The following FZD9 variants were observed in gnomAD, a reference collection of about 807,000 sequenced individuals.
FZD9 encodes frizzled-9.
In FZD9, 29 loss-of-function variants were observed where a neutral mutation model predicts 29.9. The observed-to-expected ratio is 0.97, with a 90% CI of 0.72 to 1.32. FZD9 has a LOEUF of 1.32. Among genes scored for constraint, FZD9 ranks in the 40% most tolerant of loss-of-function variants. The pLI is 0.00. For synonymous variants in FZD9, 384 were observed against 393.9 expected (o/e 0.97, Z 0.30); for missense variants, 822 against 857.8 (o/e 0.96, Z 0.52).
chr7:73,435,820 CCTT>C lies in FZD9; in HGVS notation c.*38_*40del. On this transcript the variant is annotated 3_prime_UTR_variant, in exon 1 of 1. Coordinates refer to ENST00000344575, the MANE Select transcript of FZD9 (RefSeq NM_003508.3). ...TGGCGCGGGGTGGCTGCTGCCCCCT[CCTT>C]GCCCTCCACGCCCTGCCCCCTGCAT... The C allele has an allele frequency of 6.5e-7, 1 of 1,537,284 alleles. No individual in the cohort carries two copies. The highest frequency in any genetic ancestry group is 8.8e-7 in the Non-Finnish European group (1 of 1,140,542).
At position 73,433,778 on chromosome 7, in the gene FZD9, G is replaced by C. The variant is rs1027120039; in HGVS notation, c.-230G>C. On this transcript the variant is annotated 5_prime_UTR_variant, in exon 1 of 1. Transcript: ENST00000344575. Reference sequence around the variant, plus strand: ...AGCCTCGGCCCCGGGAGGTTGCGCCGGCTCTGGCTCAGCGGCGGCTCCGGT... The same window carrying C: ...AGCCTCGGCCCCGGGAGGTTGCGCCCGCTCTGGCTCAGCGGCGGCTCCGGT... 2.2e-5 allele frequency: 4 copies of C among 184,100 alleles called. No individual in the cohort carries two copies. Among genetic ancestry groups the C allele is most frequent in the East Asian group, 3.6e-4 (2 of 5,578 alleles). 11.4% of individuals were successfully genotyped at this position (184,100 alleles called of 1,614,324 possible). A position where few individuals can be genotyped will look rare whatever the true frequency, so the allele number is the denominator to read the frequency against.
At position 73,435,966 on chromosome 7, in the gene FZD9, C is replaced by A; in HGVS notation, c.*183C>A. On this transcript the variant is annotated 3_prime_UTR_variant, in exon 1 of 1. Transcript: ENST00000344575. ...TCATTAGGGGAGATGGGGGTCTCCCCTAATGCGGGGGCTGGACCAGGCTGA... is the reference window on the plus strand; with the variant it reads ...TCATTAGGGGAGATGGGGGTCTCCCATAATGCGGGGGCTGGACCAGGCTGA... 1.3e-6 allele frequency: 1 copy of A among 741,486 alleles called. No homozygotes were observed. Among genetic ancestry groups the A allele is most frequent in the East Asian group, 2.8e-5 (1 of 36,192 alleles). The allele number at this position is 741,486 out of a possible 1,614,324, so 45.9% of individuals were successfully genotyped here.
chr7:73,436,086 T>A lies in FZD9; in HGVS notation c.*303T>A, dbSNP rs1252327198. On this transcript the variant is annotated 3_prime_UTR_variant, in exon 1 of 1. Transcript: ENST00000344575. ...GATGTAATTTATTGTTGCGTTCCTC[T>A]GGAAGCTGTGACTGGAATAAACCCC... 2 of 305,666 alleles carry A rather than the reference T, an allele frequency of 6.5e-6. No homozygotes were observed. Among genetic ancestry groups the A allele is most frequent in the African/African-American group, 4.4e-5 (2 of 45,740 alleles). The allele number at this position is 305,666 out of a possible 1,614,324, so 18.9% of individuals were successfully genotyped here.
chr7:73,434,878 A>G lies in FZD9; in HGVS notation c.871A>G (p.Ser291Gly). 1 of 1,613,560 alleles carries G rather than the reference A, an allele frequency of 6.2e-7. No homozygotes were observed. Among genetic ancestry groups the G allele is most frequent in the South Asian group, 1.1e-5 (1 of 91,080 alleles). The change falls in exon 1 of 1, where the codon AGC becomes GGC. Residue 291 changes from serine to glycine, a missense_variant. Ser to Gly is a moderately conservative substitution (Grantham distance 56, BLOSUM62 0). Transcript: ENST00000344575. ...FLIRAVAGAQ[S>G]VACDQEAGAL... is the part of the protein sequence containing the mutation. ...GATCCGTGCGGTGGCCGGAGCGCAG[A>G]GCGTGGCCTGTGACCAGGAGGCGGG...
Position 73,434,577 on chromosome 7 carries a change from G to A in FZD9, c.570G>A (p.Ala190=). Residue 190 remains alanine (A), a synonymous_variant, in exon 1 of 1, where the codon GCG becomes GCA. Transcript: ENST00000344575. The part of the protein sequence containing the change: ...ARPPGDLGPG[A]GGSGTCENPE... Reference sequence around the variant, plus strand: ...CTCCCGGAGACCTGGGCCCGGGCGCGGGCGGCAGTGGCACCTGCGAGAACC... The same window carrying A: ...CTCCCGGAGACCTGGGCCCGGGCGCAGGCGGCAGTGGCACCTGCGAGAACC... 3.4e-6 allele frequency: 5 copies of A among 1,490,864 alleles called. No homozygotes were observed. The highest frequency in any genetic ancestry group is 2.6e-5 in the South Asian group (2 of 77,474). The allele number at this position is 1,490,864 out of a possible 1,614,324, so 92.4% of individuals were successfully genotyped here. A position where few individuals can be genotyped will look rare whatever the true frequency, so the allele number is the denominator to read the frequency against.
At position 73,435,907 on chromosome 7, in the gene FZD9, G is replaced by A. The variant is rs947545672; in HGVS notation, c.*124G>A. The A allele has an allele frequency of 9.4e-5, 122 of 1,299,872 alleles. No homozygotes were observed. Among genetic ancestry groups the A allele is most frequent in the Non-Finnish European group, 1.2e-4 (111 of 939,494 alleles). 80.5% of individuals were successfully genotyped at this position (1,299,872 alleles called of 1,614,324 possible). ...TGTCAAGGTCAGGCAAGTGAGCACCGGGGACTGAGGATCAGGGCGGGACCC... is the reference window on the plus strand; with the variant it reads ...TGTCAAGGTCAGGCAAGTGAGCACCAGGGACTGAGGATCAGGGCGGGACCC... On this transcript the variant is annotated 3_prime_UTR_variant, in exon 1 of 1. Transcript: ENST00000344575.
Position 73,436,112 on chromosome 7 carries a change from C to T in FZD9, c.*329C>T, listed in dbSNP as rs914983937. 16 of 247,900 alleles carry T rather than the reference C, an allele frequency of 6.5e-5. No homozygotes were observed. Among genetic ancestry groups the T allele is most frequent in the Admixed American group, 4.4e-4 (8 of 18,268 alleles). 15.4% of individuals were successfully genotyped at this position (247,900 alleles called of 1,614,324 possible). ...GGAAGCTGTGACTGGAATAAACCCCCGCGTGGCACTGCTGAGTCCTCTCTG... is the reference window on the plus strand; with the variant it reads ...GGAAGCTGTGACTGGAATAAACCCCTGCGTGGCACTGCTGAGTCCTCTCTG... On this transcript the variant is annotated 3_prime_UTR_variant, in exon 1 of 1. Transcript: ENST00000344575.
rs1554563120 is a variant in FZD9, at chr7:73,433,936, CA to C, written c.-71del. 46 of 1,097,646 alleles carry C rather than the reference CA, an allele frequency of 4.2e-5. No homozygotes were observed. Among genetic ancestry groups the C allele is most frequent in the Non-Finnish European group, 5.1e-5 (46 of 900,784 alleles). The allele number at this position is 1,097,646 out of a possible 1,614,324, so 68.0% of individuals were successfully genotyped here. The stretch of plus-strand genomic sequence containing the variant: ...CGCGCCCCGCGACGTGGCGGGCAGG[CA>C]CCGGGGCGCGGGACCGCTGAGCCCG... On this transcript the variant is annotated 5_prime_UTR_variant, in exon 1 of 1. An upstream open reading frame in the 5' UTR loses its in-frame stop. Transcript: ENST00000344575.
Position 73,434,816 on chromosome 7 carries a change from T to A in FZD9, c.809T>A (p.Leu270His). The change falls in exon 1 of 1, where the codon CTC (leucine) becomes CAC (histidine). Residue 270 changes from leucine (L) to histidine (H), a missense_variant. Transcript: ENST00000344575. ...TACCCCGAGCGCCCCATCATCTTCCTCTCCATGTGCTACAACGTCTACTCG... is the reference window on the plus strand; with the variant it reads ...TACCCCGAGCGCCCCATCATCTTCCACTCCATGTGCTACAACGTCTACTCG... ...FQYPERPIIF[L>H]SMCYNVYSLA... 6.2e-7 allele frequency: 1 copy of A among 1,613,228 alleles called. No individual in the cohort carries two copies.
Position 73,434,394 on chromosome 7 carries a change from C to G in FZD9, c.387C>G (p.Phe129Leu). 1 of 1,577,764 alleles carries G rather than the reference C, an allele frequency of 6.3e-7. No individual in the cohort carries two copies. The highest frequency in any genetic ancestry group is 2.3e-5 in the East Asian group (1 of 43,184). The change falls in exon 1 of 1, where the codon TTC becomes TTG. Residue 129 changes from phenylalanine to leucine, a missense_variant. By Grantham distance (22) the Phe-to-Leu change is conservative. Coordinates refer to ENST00000344575, the MANE Select transcript of FZD9 (RefSeq NM_003508.3). ...RLRCAPIMEQ[F>L]NFGWPDSLDC... ...GCTGCGCGCCCATCATGGAGCAGTT[C>G]AACTTCGGCTGGCCGGACTCGCTCG...
In FZD9 at chr7:73,434,376, G is replaced by A; in HGVS notation, c.369G>A (p.Ala123=). The change falls in exon 1 of 1, where the codon GCG becomes GCA. Residue 123 remains alanine, a synonymous_variant. Transcript: ENST00000344575. ...GCGAGCAGGCGCGCCTGCGCTGCGC[G>A]CCCATCATGGAGCAGTTCAACTTCG... is the stretch of plus-strand genomic sequence containing the variant. ...PMCEQARLRC[A]PIMEQFNFGW... 1.3e-6 allele frequency: 2 copies of A among 1,583,834 alleles called. No homozygotes were observed. Among genetic ancestry groups the A allele is most frequent in the Non-Finnish European group, 8.5e-7 (1 of 1,172,174 alleles).
In FZD9 at chr7:73,434,390, A is replaced by G; in HGVS notation, c.383A>G (p.Gln128Arg). 1 of 1,579,636 alleles carries G rather than the reference A, an allele frequency of 6.3e-7. No homozygotes were observed. The highest frequency in any genetic ancestry group is 1.1e-5 in the South Asian group (1 of 87,382). ...ARLRCAPIME[Q>R]FNFGWPDSLD... ...CTGCGCTGCGCGCCCATCATGGAGC[A>G]GTTCAACTTCGGCTGGCCGGACTCG... The change falls in exon 1 of 1, where the codon CAG (glutamine) becomes CGG (arginine). Residue 128 changes from glutamine to arginine, a missense_variant. Physicochemically the swap from Gln to Arg is conservative, Grantham distance 43. Coordinates refer to ENST00000344575, the MANE Select transcript of FZD9 (RefSeq NM_003508.3).
In FZD9 at chr7:73,433,877, C is replaced by A; in HGVS notation, c.-131C>A. 3 of 688,250 alleles carry A rather than the reference C, an allele frequency of 4.4e-6. No homozygotes were observed. The highest frequency in any genetic ancestry group is 5.5e-6 in the Non-Finnish European group (3 of 548,656). 42.6% of individuals were successfully genotyped at this position (688,250 alleles called of 1,614,324 possible). ...GCGGCTGCCCGCTCGCTGCCCAGGG[C>A]GCCCGGACACACGTGGGCGGCTCAG... On this transcript the variant is annotated 5_prime_UTR_variant, in exon 1 of 1. Transcript: ENST00000344575.
rs1787345070 is a variant in FZD9 at position 73,434,085 on chromosome 7, C to G, written c.78C>G (p.Gly26=). Residue 26 remains glycine, a synonymous_variant, in exon 1 of 1, where the codon GGC becomes GGG. Coordinates refer to ENST00000344575, the MANE Select transcript of FZD9 (RefSeq NM_003508.3). ...LAAGGAALEI[G]RFDPERGRGA... The stretch of plus-strand genomic sequence containing the variant: ...CGGGCGGCGCGGCACTGGAGATCGG[C>G]CGCTTCGACCCGGAGCGCGGGCGCG... 7.4e-7 allele frequency: 1 copy of G among 1,360,018 alleles called. No homozygotes were observed. Among genetic ancestry groups the G allele is most frequent in the African/African-American group, 1.5e-5 (1 of 66,144 alleles). 84.2% of individuals were successfully genotyped at this position (1,360,018 alleles called of 1,614,324 possible).
At position 73,434,481 on chromosome 7, in the gene FZD9, C is replaced by T. The variant is rs1554563305; in HGVS notation, c.474C>T (p.Asn158=). Residue 158 remains asparagine, a synonymous_variant, in exon 1 of 1, where the codon AAC becomes AAT. Coordinates refer to ENST00000344575, the MANE Select transcript of FZD9 (RefSeq NM_003508.3). ...PHALCMEAPE[N]ATAGPAEPHK... ...CGCTGTGCATGGAGGCGCCCGAGAA[C>T]GCCACGGCCGGCCCCGCGGAGCCCC... The T allele has an allele frequency of 1.3e-6, 2 of 1,487,322 alleles. No homozygotes were observed. Among genetic ancestry groups the T allele is most frequent in the Non-Finnish European group, 1.8e-6 (2 of 1,125,658 alleles). The allele number at this position is 1,487,322 out of a possible 1,614,324, so 92.1% of individuals were successfully genotyped here. A position where few individuals can be genotyped will look rare whatever the true frequency, so the allele number is the denominator to read the frequency against.
chr7:73,434,774 A>G lies in FZD9; in HGVS notation c.767A>G (p.Glu256Gly). ...TAFTVLTFLL[E>G]PHRFQYPERP... ...TTCACTGTGCTCACCTTCTTGCTGG[A>G]GCCCCACCGCTTCCAGTACCCCGAG... Residue 256 changes from glutamate (E) to glycine (G), a missense_variant, in exon 1 of 1, where the codon GAG (glutamate) becomes GGG (glycine). Transcript: ENST00000344575. 1 of 1,612,364 alleles carries G rather than the reference A, an allele frequency of 6.2e-7. No individual in the cohort carries two copies.
Position 73,436,039 on chromosome 7 carries a change from G to T in FZD9, c.*256G>T. The T allele has an allele frequency of 2.2e-6, 1 of 449,814 alleles. No individual in the cohort carries two copies. Among genetic ancestry groups the T allele is most frequent in the Non-Finnish European group, 4.0e-6 (1 of 247,472 alleles). The allele number at this position is 449,814 out of a possible 1,614,324, so 27.9% of individuals were successfully genotyped here. A position where few individuals can be genotyped will look rare whatever the true frequency, so the allele number is the denominator to read the frequency against. On this transcript the variant is annotated 3_prime_UTR_variant, in exon 1 of 1. Transcript: ENST00000344575. ...GGATGTGGAGGGGCGGGGCAGAGGG[G>T]TCCAGCCGGAGTTTATTTAATGATG...
Position 73,434,745 on chromosome 7 carries a change from C to T in FZD9, c.738C>T (p.Thr246=). The T allele has an allele frequency of 1.2e-6, 2 of 1,610,988 alleles. No homozygotes were observed. Among genetic ancestry groups the T allele is most frequent in the Non-Finnish European group, 1.7e-6 (2 of 1,179,874 alleles). ...GGTCGGCGCTGTGCTTCTTCTCCACCGCCTTCACTGTGCTCACCTTCTTGC... is the reference window on the plus strand; with the variant it reads ...GGTCGGCGCTGTGCTTCTTCTCCACTGCCTTCACTGTGCTCACCTTCTTGC... ...AVWSALCFFS[T]AFTVLTFLLE... Residue 246 remains threonine (T), a synonymous_variant, in exon 1 of 1, where the codon ACC becomes ACT. Transcript: ENST00000344575.
chr7:73,435,538 A>T lies in FZD9; in HGVS notation c.1531A>T (p.Met511Leu), dbSNP rs781907193. 1 of 1,613,342 alleles carries T rather than the reference A, an allele frequency of 6.2e-7. No individual in the cohort carries two copies. Among genetic ancestry groups the T allele is most frequent in the South Asian group, 1.1e-5 (1 of 91,082 alleles). ...CTCGGTGCCCACCGTGGCGGTCTTC[A>T]TGCTCAAAATTTTCATGTCACTGGT... ...GGSVPTVAVF[M>L]LKIFMSLVVG... The change falls in exon 1 of 1, where the codon ATG (methionine) becomes TTG (leucine). Residue 511 changes from methionine to leucine, a missense_variant. Met to Leu is a conservative substitution (Grantham distance 15). Coordinates refer to ENST00000344575, the MANE Select transcript of FZD9 (RefSeq NM_003508.3).
Sources: allele counts gnomAD v4.1 joint callset, GRCh38; gene constraint gnomAD v4.1.1; transcripts MANE v1.5; gene names NCBI Gene and HGNC (gene_info 2026-07-23, HGNC 2026-07-21).